PPP3CA: variants seen among roughly 807,000 people sequenced by gnomAD.
The protein encoded by PPP3CA is protein phosphatase 3 catalytic subunit alpha.
PPP3CA carries 14 observed loss-of-function variants against 66.5 expected under a neutral mutation model. That is an observed-to-expected ratio of 0.21 (90% CI 0.14 to 0.33). The LOEUF (loss-of-function observed/expected upper bound fraction) is 0.33. Ranked by LOEUF, PPP3CA falls within the 10% of genes least tolerant of loss-of-function variation. PPP3CA has a pLI of 1.00. For missense variants in PPP3CA, 317 were observed against 639.5 expected, an observed-to-expected ratio of 0.50 and a Z score of 5.44; for synonymous variants, 232 against 226.2, an observed-to-expected ratio of 1.03 and a Z score of -0.23.
intron 10 of PPP3CA, among the ~76,000 whole-genome samples, chr4:101,053,938 C>T (rs1298675756): frequency 6.6e-6 from 1 of 151,986 alleles, no homozygotes; most frequent in Admixed American, 6.6e-5. Flanking sequence ...CCCTACTCAT[C>T]CTTTGTTCAT....
chr4:101,311,089 AG>A (rs1305271619), intron 1 of PPP3CA, among the ~76,000 whole-genome samples: 2 of 152,234 alleles, frequency 1.3e-5, no homozygotes, highest in Non-Finnish European at 2.9e-5. Flanking sequence ...CCTTCACTTC[AG>A]GGTTTCTTAT....
At position 101,227,092 on chromosome 4, in the gene PPP3CA, G is replaced by A. The variant is rs112083151; in HGVS notation, c.59-30976C>T. 8.3e-3 allele frequency among the ~76,000 whole-genome samples: 1,223 copies of A among 147,828 alleles called. 14 individuals are homozygous for A. Among genetic ancestry groups the A allele is most frequent in the African/African-American group, 0.029 (1,167 of 40,212 alleles). The stretch of plus-strand genomic sequence containing the variant: ...TGTTGAAAACACAGATGTCTATAGC[G>A]TAATGGTAGGTAGGTGTGTACATAC... On this transcript the variant is annotated intron_variant, in intron 1 of 13. Coordinates refer to ENST00000394854, the MANE Select transcript of PPP3CA (RefSeq NM_000944.5).
intron 1 of PPP3CA, among the ~76,000 whole-genome samples, chr4:101,204,752 T>C (rs1039583465): frequency 2.6e-5 from 4 of 151,960 alleles, no homozygotes; most frequent in Non-Finnish European, 5.9e-5. Flanking sequence ...TTATATTTAC[T>C]GATTTTGAAA....
intron 2 of PPP3CA, among the ~76,000 whole-genome samples, chr4:101,148,213 A>C (rs1259618859): frequency 2.6e-5 from 4 of 152,152 alleles, no homozygotes; most frequent in Admixed American, 1.3e-4. Context: ...TTTGAGCTAG[A>C]TATAAAGTAA....
At chr4:101,071,706 G>C (rs1252899396) in intron 8 of PPP3CA, among the ~76,000 whole-genome samples, 1 of 152,106 alleles carries the variant, frequency 6.6e-6, no homozygotes, top group Non-Finnish European at 1.5e-5. Context: ...CCCTGGTAAG[G>C]TCTCCCCTAA....
intron 1 of PPP3CA, among the ~76,000 whole-genome samples, chr4:101,237,294 G>A (rs993497243): frequency 1.1e-4 from 17 of 151,742 alleles, no homozygotes; most frequent in Non-Finnish European, 1.9e-4. Context: ...CAAGTGAGTA[G>A]GTAAATATAA....
At chr4:101,343,444 G>T (rs1428582810) in intron 1 of PPP3CA, among the ~76,000 whole-genome samples, 2 of 152,176 alleles carry the variant, frequency 1.3e-5, no homozygotes, top group Non-Finnish European at 2.9e-5. Context: ...CAGGACGGGG[G>T]TCAAGGGGAG....
Position 101,023,538 on chromosome 4 carries a change from G to C in PPP3CA, c.*2327C>G, listed in dbSNP as rs1472158384. ...TTTTTTTAGTCAGGATATTTTCTCT[G>C]CAGTTATAAGAAAGAAAATAAACAC... On this transcript the variant is annotated 3_prime_UTR_variant, in exon 14 of 14. Coordinates refer to ENST00000394854, the MANE Select transcript of PPP3CA (RefSeq NM_000944.5). The C allele has an allele frequency of 1.3e-5, 2 of 152,224 alleles. No individual in the cohort carries two copies. The allele number at this position is 152,224 out of a possible 1,614,324, so 9.4% of individuals were successfully genotyped here.
At chr4:101,207,475 T>C (rs907364097) in intron 1 of PPP3CA, among the ~76,000 whole-genome samples, 2 of 152,278 alleles carry the variant, frequency 1.3e-5, no homozygotes, top group Middle Eastern at 6.8e-3. Context: ...TCAAAGTGAA[T>C]CCAAATCTTA....
intron 6 of PPP3CA, among the ~76,000 whole-genome samples, chr4:101,093,480 G>T (rs921230994): frequency 2.0e-5 from 3 of 151,056 alleles, no homozygotes; most frequent in African/African-American, 7.3e-5. Flanking sequence ...ACTTCTATAT[G>T]CACTGGGAAA....
intron 1 of PPP3CA, among the ~76,000 whole-genome samples, chr4:101,330,646 G>C (rs1238222463): frequency 2.6e-5 from 4 of 151,990 alleles, no homozygotes; most frequent in Non-Finnish European, 1.5e-5. Context: ...GCTCTATTGT[G>C]GCAGTCTGGA....
intron 2 of PPP3CA, among the ~76,000 whole-genome samples, chr4:101,141,676 T>C (rs1436478199): frequency 6.6e-6 from 1 of 152,190 alleles, no homozygotes; most frequent in African/African-American, 2.4e-5. Flanking sequence ...CCTGACACTT[T>C]CTATCTCTTC....
chr4:101,114,263 G>A (rs1342908161), intron 2 of PPP3CA, among the ~76,000 whole-genome samples: 2 of 152,004 alleles, frequency 1.3e-5, no homozygotes, highest in Non-Finnish European at 2.9e-5. Context: ...GAAATTTAGA[G>A]AGTTATAGCA....
intron 1 of PPP3CA, among the ~76,000 whole-genome samples, chr4:101,315,768 C>T (rs1051319687): frequency 9.2e-5 from 14 of 152,182 alleles, no homozygotes; most frequent in African/African-American, 3.1e-4. Context: ...TTGGACTACT[C>T]CATGCAGGCA....
chr4:101,338,363 T>C (rs1400747853), intron 1 of PPP3CA, among the ~76,000 whole-genome samples: 1 of 152,224 alleles, frequency 6.6e-6, no homozygotes, highest in Non-Finnish European at 1.5e-5. Flanking sequence ...CATCAGACAT[T>C]TGTGTACTGA....
chr4:101,164,957 T>C (rs1413198686), intron 2 of PPP3CA, among the ~76,000 whole-genome samples: 1 of 152,154 alleles, frequency 6.6e-6, no homozygotes, highest in Admixed American at 6.6e-5. Context: ...TAAATTTCTT[T>C]CATCATTTTA....
Position 101,240,050 on chromosome 4 carries a change from G to GT in PPP3CA, c.59-43935_59-43934insA, listed in dbSNP as rs1553935007. On this transcript the variant is annotated intron_variant, in intron 1 of 13. Transcript: ENST00000394854. ...TTTTGGTTTTTTTTTGGGGGGAGCGGGGGGGAGGTGAGGTAGATAGTTACT... is the reference window on the plus strand; with the variant it reads ...TTTTGGTTTTTTTTTGGGGGGAGCGGTGGGGGAGGTGAGGTAGATAGTTACT... 6.6e-5 allele frequency among the ~76,000 whole-genome samples: 10 copies of GT among 150,778 alleles called. 1 individual carries two copies. In the South Asian group the frequency reaches 2.1e-3, roughly 32 times the overall value.
chr4:101,301,414 T>C (rs1728371127), intron 1 of PPP3CA, among the ~76,000 whole-genome samples: 2 of 147,832 alleles, frequency 1.4e-5, no homozygotes. Flanking sequence ...ATTATGTATA[T>C]TAAATTTATA....
At chr4:101,181,937 T>C (rs1724249621) in intron 2 of PPP3CA, among the ~76,000 whole-genome samples, 1 of 152,112 alleles carries the variant, frequency 6.6e-6, no homozygotes, top group East Asian at 1.9e-4. Flanking sequence ...GTGATTTGTA[T>C]GGAATAAAAA....
Sources: gnomAD v4.1 joint callset for allele counts (sites outside exome capture counted in the v4.1 genomes callset) on GRCh38, gnomAD v4.1.1 for gene constraint, MANE v1.5 for transcripts, NCBI Gene and HGNC (gene_info 2026-07-23, HGNC 2026-07-21) for gene names.